TSR2: variants seen among roughly 807,000 people sequenced by gnomAD.
The protein encoded by TSR2 is pre-rRNA-processing protein TSR2 homolog.
Under a neutral mutation model 13.3 loss-of-function variants are expected in TSR2, and 1 was observed. The ratio of observed to expected loss-of-function variants is 0.08; its 90% confidence interval spans 0.03 to 0.36. The LOEUF (loss-of-function observed/expected upper bound fraction) is 0.36, where lower values mean the gene tolerates loss of function less well. Among genes scored for constraint, TSR2 ranks in the 10% least tolerant of loss-of-function variants. The pLI is 0.99. For synonymous variants in TSR2, 60 were observed against 57.7 expected (o/e 1.04, Z -0.18); for missense variants, 120 against 151.1 (o/e 0.79, Z 1.08).
Position 54,445,041 on chromosome X carries a change from T to TACCCC in TSR2, c.*499_*503dup, listed in dbSNP as rs1922082797. 9.0e-6 allele frequency: 1 copy of TACCCC among 111,577 alleles called. No homozygotes were observed. The highest frequency in any genetic ancestry group is 3.3e-5 in the African/African-American group (1 of 30,291). 9.2% of individuals were successfully genotyped at this position (111,577 alleles called of 1,213,427 possible). On this transcript the variant is annotated 3_prime_UTR_variant, in exon 5 of 5. Coordinates refer to ENST00000375151, the MANE Select transcript of TSR2 (RefSeq NM_058163.3). ...GAAAGTAGCTCTGGAGCCTCTCCCT[T>TACCCC]ACCCCACCCCACACACACGCAACAG...
In TSR2 at chrX:54,440,440, G is replaced by C; in HGVS notation, c.19G>C (p.Asp7His). The C allele has an allele frequency of 8.9e-7, 1 of 1,127,721 alleles. No homozygotes were observed. The highest frequency in any genetic ancestry group is 3.2e-5 in the East Asian group (1 of 30,853). 92.9% of individuals were successfully genotyped at this position (1,127,721 alleles called of 1,213,427 possible). A position where few individuals can be genotyped will look rare whatever the true frequency, so the allele number is the denominator to read the frequency against. The part of the protein sequence containing the change: MAGAAE[D>H]ARALFRAGVC... ...CCGGATAATGGCGGGCGCTGCAGAA[G>C]ATGCGCGAGCTCTTTTCCGGGCTGG... The change falls in exon 1 of 5, where the codon GAT becomes CAT. Residue 7 changes from aspartate to histidine, a missense_variant. Around this residue, in one of 3 missense-constraint regions of TSR2, gnomAD observed 53 missense variants for 52.3 expected, o/e 1.01. Coordinates refer to ENST00000375151, the MANE Select transcript of TSR2 (RefSeq NM_058163.3).
Position 54,444,168 on chromosome X carries a change from G to A in TSR2, c.425G>A (p.Ser142Asn). 1 of 1,206,705 alleles carries A rather than the reference G, an allele frequency of 8.3e-7. No homozygotes were observed. The highest frequency in any genetic ancestry group is 1.1e-6 in the Non-Finnish European group (1 of 891,941). ...GATGAGGATGAAGATGATGTGGACA[G>A]TGTGGAAGAGATGGAGGTGAAGTGG... is the stretch of plus-strand genomic sequence containing the variant. ...ETDEDEDDVD[S>N]VEEMEVTATN... Residue 142 changes from serine to asparagine, a missense_variant, in exon 4 of 5, where the codon AGT becomes AAT. This residue lies in a region of TSR2 where 55 missense variants were observed against 61.3 expected (regional missense o/e 0.90). Coordinates refer to ENST00000375151, the MANE Select transcript of TSR2 (RefSeq NM_058163.3).
At position 54,440,727 on chromosome X, in the gene TSR2, A is replaced by G; in HGVS notation, c.119A>G (p.Gln40Arg). ...AATGGCTTCGGGGGTGTGCACAGCC[A>G]GGAGAAGGCCAAGTGGCTGGGGGGT... ...VENGFGGVHS[Q>R]EKAKWLGGAV... Residue 40 changes from glutamine (Q) to arginine (R), a missense_variant, in exon 2 of 5, where the codon CAG becomes CGG. This residue lies in a region of TSR2 where 53 missense variants were observed against 52.3 expected (regional missense o/e 1.01). Coordinates refer to ENST00000375151, the MANE Select transcript of TSR2 (RefSeq NM_058163.3). 3 of 1,209,118 alleles carry G rather than the reference A, an allele frequency of 2.5e-6. No individual in the cohort carries two copies. Among genetic ancestry groups the G allele is most frequent in the Non-Finnish European group, 3.4e-6 (3 of 894,242 alleles).
chrX:54,442,522 G>T (rs73480943), intron 2 of TSR2, among the ~76,000 whole-genome samples: 1,177 of 111,729 alleles, frequency 0.011, 24 homozygotes, highest in African/African-American at 0.036. Context: ...TAAATTCGGG[G>T]GATATTAAGT....
chrX:54,444,612 G>T lies in TSR2; in HGVS notation c.*62G>T, dbSNP rs1316781140. The T allele has an allele frequency of 3.7e-5, 36 of 967,803 alleles. No individual in the cohort carries two copies. The highest frequency in any genetic ancestry group is 2.8e-4 in the Middle Eastern group (1 of 3,588). 79.8% of individuals were successfully genotyped at this position (967,803 alleles called of 1,213,427 possible). On this transcript the variant is annotated 3_prime_UTR_variant, in exon 5 of 5. Transcript: ENST00000375151. Reference sequence around the variant, plus strand: ...GCTGTTCTAAGAGTTGTCTGTAGGGGTTTTTTTTTTGAGGATTGCAGACCT... The same window carrying T: ...GCTGTTCTAAGAGTTGTCTGTAGGGTTTTTTTTTTTGAGGATTGCAGACCT...
intron 2 of TSR2, among the ~76,000 whole-genome samples, chrX:54,441,686 T>C (rs373607676): frequency 1.8e-5 from 2 of 110,795 alleles, no homozygotes; most frequent in South Asian, 3.8e-4. Flanking sequence ...TAATGTGTTA[T>C]ATTTGGAAAG....
In TSR2 at chrX:54,445,253, A is replaced by AG. The variant is rs1373544542; in HGVS notation, c.*707dup. 1 of 110,479 alleles carries AG rather than the reference A, an allele frequency of 9.1e-6. No homozygotes were observed. Among genetic ancestry groups the AG allele is most frequent in the African/African-American group, 3.3e-5 (1 of 30,332 alleles). The allele number at this position is 110,479 out of a possible 1,213,427, so 9.1% of individuals were successfully genotyped here. A position where few individuals can be genotyped will look rare whatever the true frequency, so the allele number is the denominator to read the frequency against. On this transcript the variant is annotated 3_prime_UTR_variant, in exon 5 of 5. Coordinates refer to ENST00000375151, the MANE Select transcript of TSR2 (RefSeq NM_058163.3). ...TCCTTATCCCATCCCATTTGAGTTCAGGGGTGAGGCTTAAGATCTTAATAA... is the reference window on the plus strand; with the variant it reads ...TCCTTATCCCATCCCATTTGAGTTCAGGGGGTGAGGCTTAAGATCTTAATAA...
chrX:54,447,897 A>C lies in TSR2; in HGVS notation c.*3347A>C, dbSNP rs779172502. ...GAATCCCAGCTCTAGATGAAAATGTATTGACTTGGAGAGCAAAGAGAGCTG... is the reference window on the plus strand; with the variant it reads ...GAATCCCAGCTCTAGATGAAAATGTCTTGACTTGGAGAGCAAAGAGAGCTG... On this transcript the variant is annotated 3_prime_UTR_variant, in exon 5 of 5. Transcript: ENST00000375151. Among the ~76,000 whole-genome samples the C allele has an allele frequency of 1.9e-3, 215 of 112,140 alleles. No individual in the cohort carries two copies. The highest frequency in any genetic ancestry group is 6.1e-3 in the African/African-American group (190 of 30,900).
rs1922066560 is a variant in TSR2 at position 54,444,801 on chromosome X, G to C, written c.*251G>C. ...CCGAGTGACGAAGCCGGGTTCCCCA[G>C]TACAGTGTCTTTTGGGTGCGGTCAT... On this transcript the variant is annotated 3_prime_UTR_variant, in exon 5 of 5. Transcript: ENST00000375151. 1 of 218,515 alleles carries C rather than the reference G, an allele frequency of 4.6e-6. No homozygotes were observed. The highest frequency in any genetic ancestry group is 2.9e-5 in the African/African-American group (1 of 34,074). 18.0% of individuals were successfully genotyped at this position (218,515 alleles called of 1,213,427 possible). A position where few individuals can be genotyped will look rare whatever the true frequency, so the allele number is the denominator to read the frequency against.
chrX:54,447,212 T>A lies in TSR2; in HGVS notation c.*2662T>A, dbSNP rs1922234570. The A allele has an allele frequency of 1.0e-6, 1 of 972,813 alleles. No homozygotes were observed. Among genetic ancestry groups the A allele is most frequent in the East Asian group, 3.1e-5 (1 of 32,277 alleles). 80.2% of individuals were successfully genotyped at this position (972,813 alleles called of 1,213,427 possible). A position where few individuals can be genotyped will look rare whatever the true frequency, so the allele number is the denominator to read the frequency against. ...CTCTTAGAGATAGGCTCACCTTATC[T>A]TCCAAGGCTCACCTTATCTTCCAAG... On this transcript the variant is annotated 3_prime_UTR_variant, in exon 5 of 5. Coordinates refer to ENST00000375151, the MANE Select transcript of TSR2 (RefSeq NM_058163.3).
chrX:54,444,662 C>A lies in TSR2; in HGVS notation c.*112C>A. The A allele has an allele frequency of 1.3e-6, 1 of 792,332 alleles. No individual in the cohort carries two copies. The highest frequency in any genetic ancestry group is 1.8e-6 in the Non-Finnish European group (1 of 564,018). The allele number at this position is 792,332 out of a possible 1,213,427, so 65.3% of individuals were successfully genotyped here. ...TGTGGACTGGTTACCCCATCTCCAC[C>A]CTCTCCCCTGTTCCTCTGTCTGGCT... On this transcript the variant is annotated 3_prime_UTR_variant, in exon 5 of 5. Coordinates refer to ENST00000375151, the MANE Select transcript of TSR2 (RefSeq NM_058163.3).
chrX:54,446,432 A>G lies in TSR2; in HGVS notation c.*1882A>G. 1 of 1,200,362 alleles carries G rather than the reference A, an allele frequency of 8.3e-7. No homozygotes were observed. The highest frequency in any genetic ancestry group is 1.1e-6 in the Non-Finnish European group (1 of 888,314). On this transcript the variant is annotated 3_prime_UTR_variant, in exon 5 of 5. Coordinates refer to ENST00000375151, the MANE Select transcript of TSR2 (RefSeq NM_058163.3). ...TTCACATCCTGGCGGGAGGAGGGAC[A>G]GAGCTGGGGCCACCTTGGGGCTAGA...
chrX:54,444,773 CAT>C lies in TSR2; in HGVS notation c.*224_*225del, dbSNP rs1922064612. 3.5e-6 allele frequency: 1 copy of C among 286,085 alleles called. No individual in the cohort carries two copies. The highest frequency in any genetic ancestry group is 6.1e-5 in the East Asian group (1 of 16,448). 23.6% of individuals were successfully genotyped at this position (286,085 alleles called of 1,213,427 possible). ...CATATTCCCCTGGGCCTTTAGTTAA[CAT>C]CCGAGTGACGAAGCCGGGTTCCCCA... is the stretch of plus-strand genomic sequence containing the variant. On this transcript the variant is annotated 3_prime_UTR_variant, in exon 5 of 5. Transcript: ENST00000375151.
At position 54,444,808 on chromosome X, in the gene TSR2, G is replaced by A; in HGVS notation, c.*258G>A. 1 of 203,057 alleles carries A rather than the reference G, an allele frequency of 4.9e-6. No individual in the cohort carries two copies. The highest frequency in any genetic ancestry group is 9.1e-6 in the Non-Finnish European group (1 of 110,219). The allele number at this position is 203,057 out of a possible 1,213,427, so 16.7% of individuals were successfully genotyped here. ...ACGAAGCCGGGTTCCCCAGTACAGT[G>A]TCTTTTGGGTGCGGTCATTGTGAGG... On this transcript the variant is annotated 3_prime_UTR_variant, in exon 5 of 5. Transcript: ENST00000375151.
In TSR2 at chrX:54,440,413, G is replaced by A; in HGVS notation, c.-9G>A. 1 of 1,134,250 alleles carries A rather than the reference G, an allele frequency of 8.8e-7. No individual in the cohort carries two copies. The highest frequency in any genetic ancestry group is 2.2e-5 in the South Asian group (1 of 45,583). 93.5% of individuals were successfully genotyped at this position (1,134,250 alleles called of 1,213,427 possible). Reference sequence around the variant, plus strand: ...GCCGCCGGGACGTCACGTGGACTGGGGCCGGATAATGGCGGGCGCTGCAGA... The same window carrying A: ...GCCGCCGGGACGTCACGTGGACTGGAGCCGGATAATGGCGGGCGCTGCAGA... On this transcript the variant is annotated 5_prime_UTR_variant, in exon 1 of 5. Transcript: ENST00000375151.
At chrX:54,443,872 G>C in intron 3 of TSR2, 136 bp from the exon 4 acceptor site, 1 of 950,004 alleles carries the variant, frequency 1.1e-6, no homozygotes, top group Non-Finnish European at 1.4e-6. Context: ...TGCTTCATTG[G>C]TTAATTCCTT....
At chrX:54,441,045 C>T (rs1921913739) in intron 2 of TSR2, among the ~76,000 whole-genome samples, 1 of 111,671 alleles carries the variant, frequency 9.0e-6, no homozygotes. Flanking sequence ...AAAGTATCCA[C>T]CAGAGCGCTG....
In TSR2 at chrX:54,443,376, A is replaced by G. The variant is rs753730038; in HGVS notation, c.173-24A>G. The G allele has an allele frequency of 7.8e-6, 9 of 1,150,357 alleles. No homozygotes were observed. The South Asian group carries it at 1.6e-4, about 21-fold the overall frequency. 94.8% of individuals were successfully genotyped at this position (1,150,357 alleles called of 1,213,427 possible). On this transcript the variant is annotated intron_variant, in intron 2 of 4. Transcript: ENST00000375151. ...ATGAAGTTGGCTGGTCTTTGACCCA[A>G]GGGCCCTGTCCTTTTCTACTTAGCT... is the stretch of plus-strand genomic sequence containing the variant.
intron 2 of TSR2, among the ~76,000 whole-genome samples, chrX:54,441,697 TAGC>T (rs1332699804): frequency 5.4e-5 from 6 of 110,740 alleles, no homozygotes; most frequent in Admixed American, 9.7e-5. Context: ...ATTTGGAAAG[TAGC>T]AGGGAGCTCA....
Sources: gnomAD v4.1 joint callset for allele counts (sites outside exome capture counted in the v4.1 genomes callset) on GRCh38, gnomAD v4.1.1 for gene constraint, gnomAD v4.1.1 regional missense constraint, MANE v1.5 for transcripts, NCBI Gene and HGNC (gene_info 2026-07-23, HGNC 2026-07-21) for gene names.